Variants in KIF6 observed in about 807,000 individuals in gnomAD.
KIF6 encodes the protein kinesin family member 6.
Under a neutral mutation model 112.7 loss-of-function variants are expected in KIF6, and 106 were observed. The observed-to-expected ratio is 0.94, with a 90% CI of 0.80 to 1.11. The LOEUF (loss-of-function observed/expected upper bound fraction) is 1.11, where lower values mean the gene tolerates loss of function less well. Among genes scored for constraint, KIF6 ranks in the 50% least tolerant of loss-of-function variants. The probability of loss-of-function intolerance (pLI) is 0.00; values close to 1 mark genes in which losing one functional copy is unlikely to be tolerated. For synonymous variants in KIF6, 339 were observed against 339.9 expected, an observed-to-expected ratio of 1.00 and a Z score of 0.03; for missense variants, 929 against 964.0, an observed-to-expected ratio of 0.96 and a Z score of 0.48.
chr6:39,624,487 G>T (rs2150741063), intron 5 of KIF6, among the ~76,000 whole-genome samples: 1 of 152,240 alleles, frequency 6.6e-6, no homozygotes, highest in Non-Finnish European at 1.5e-5. Flanking sequence ...CTAAGGTTTT[G>T]CTTCATATAC....
intron 13 of KIF6, among the ~76,000 whole-genome samples, chr6:39,525,833 A>G (rs1300203502): frequency 6.6e-6 from 1 of 151,768 alleles, no homozygotes; most frequent in South Asian, 2.1e-4. Context: ...AAATAAATAA[A>G]TAAATAAATA....
intron 5 of KIF6, among the ~76,000 whole-genome samples, chr6:39,632,787 A>AT (rs1388640999): frequency 2.0e-5 from 3 of 151,704 alleles, no homozygotes; most frequent in East Asian, 2.0e-4. Context: ...CACCCGGCTA[A>AT]TTTTTTGTAT....
intron 13 of KIF6, among the ~76,000 whole-genome samples, chr6:39,529,874 T>A (rs911618183): frequency 4.6e-5 from 7 of 152,252 alleles, no homozygotes; most frequent in Admixed American, 6.5e-5. Context: ...TGTTCTTTCT[T>A]CCATCTTTGA....
At chr6:39,688,532 C>G (rs1251938525) in intron 3 of KIF6, among the ~76,000 whole-genome samples, 2 of 151,660 alleles carry the variant, frequency 1.3e-5, no homozygotes, top group Non-Finnish European at 2.9e-5. Context: ...TAGATATCGG[C>G]CAGGAACTCA....
chr6:39,639,862 CT>C, intron 3 of KIF6, 105 bp from the exon 4 acceptor site: 1 of 972,572 alleles, frequency 1.0e-6, no homozygotes, highest in Non-Finnish European at 1.5e-6. Context: ...ATTAAAAAAA[CT>C]TTATAGAAAT....
At chr6:39,657,125 C>T (rs931740175) in intron 3 of KIF6, among the ~76,000 whole-genome samples, 1 of 151,102 alleles carries the variant, frequency 6.6e-6, no homozygotes, top group Non-Finnish European at 1.5e-5. Flanking sequence ...CCCAGCTACT[C>T]GGGAGGCTGA....
At chr6:39,553,228 T>C (rs1231329775) in intron 10 of KIF6, among the ~76,000 whole-genome samples, 4 of 152,194 alleles carry the variant, frequency 2.6e-5, no homozygotes, top group African/African-American at 9.6e-5. Context: ...GAATGAGCTC[T>C]TTTTTTAAAT....
rs114980151 is a variant in KIF6 at position 39,427,080 on chromosome 6, G to A, written c.1754+3973C>T. ...GGTGAAATGGGAGTCCAGGCTGGTG[G>A]GTCCTGGTTGCTGAGGTCTATTGGG... On this transcript the variant is annotated intron_variant, in intron 14 of 22. Coordinates refer to ENST00000287152, the MANE Select transcript of KIF6 (RefSeq NM_145027.6). Among the ~76,000 whole-genome samples, 585 of 152,288 alleles carry A rather than the reference G, an allele frequency of 3.8e-3. 1 individual carries two copies. Among genetic ancestry groups the A allele is most frequent in the African/African-American group, 0.013 (521 of 41,546 alleles).
chr6:39,716,389 T>C (rs994804450), intron 2 of KIF6, among the ~76,000 whole-genome samples: 4 of 152,180 alleles, frequency 2.6e-5, no homozygotes, highest in African/African-American at 7.2e-5. Context: ...CCCTTTTTAT[T>C]GACTTTTCCC....
intron 1 of KIF6, 36 bp downstream of exon 1, chr6:39,725,203 GAGGCCC>G (rs762103406): frequency 6.3e-7 from 1 of 1,575,252 alleles, no homozygotes; most frequent in Non-Finnish European, 8.7e-7. Context: ...CCCAGCCCAA[GAGGCCC>G]CGCCGCGCCG....
intron 13 of KIF6, among the ~76,000 whole-genome samples, chr6:39,539,604 A>G (rs1778666738): frequency 6.6e-6 from 1 of 152,148 alleles, no homozygotes; most frequent in Non-Finnish European, 1.5e-5. Flanking sequence ...TGGCCTCCCA[A>G]AATGCTGGGA....
In KIF6 at chr6:39,445,778, C is replaced by G. The variant is rs143935909; in HGVS notation, c.1646-14617G>C. Among the ~76,000 whole-genome samples, 777 of 152,280 alleles carry G rather than the reference C, an allele frequency of 5.1e-3. 5 individuals are homozygous for G. The highest frequency in any genetic ancestry group is 0.017 in the African/African-American group (722 of 41,554). On this transcript the variant is annotated intron_variant, in intron 13 of 22. Transcript: ENST00000287152. ...GAAAGGGGGTCAGTGTTATTCTGCACAGGAAATAGAATGGCAAATCCACAG... is the reference window on the plus strand; with the variant it reads ...GAAAGGGGGTCAGTGTTATTCTGCAGAGGAAATAGAATGGCAAATCCACAG...
At chr6:39,408,013 C>T (rs934147768) in intron 15 of KIF6, among the ~76,000 whole-genome samples, 2 of 152,230 alleles carry the variant, frequency 1.3e-5, no homozygotes, top group Non-Finnish European at 2.9e-5. Flanking sequence ...ACATCTGCTA[C>T]GTATTCTATA....
Position 39,419,353 on chromosome 6 carries a change from C to CAAAA in KIF6, c.1810+591_1810+594dup, listed in dbSNP as rs10682536. On this transcript the variant is annotated intron_variant, in intron 15 of 22. Transcript: ENST00000287152. ...TGGGCAACAGAGTGAGACTCTGTCT[C>CAAAA]AAAAAAAAAAAAAAAAAAAAAAGAG... 3.0e-3 allele frequency among the ~76,000 whole-genome samples: 213 copies of CAAAA among 72,120 alleles called. 1 individual carries two copies. The highest frequency in any genetic ancestry group is 7.9e-3 in the Middle Eastern group (1 of 126). The allele number at this position is 72,120 out of a possible 152,430, so 47.3% of individuals were successfully genotyped here. A position where few individuals can be genotyped will look rare whatever the true frequency, so the allele number is the denominator to read the frequency against.
intron 10 of KIF6, among the ~76,000 whole-genome samples, chr6:39,556,509 A>C (rs2150587821): frequency 6.6e-6 from 1 of 152,308 alleles, no homozygotes; most frequent in South Asian, 2.1e-4. Flanking sequence ...GTAGAGAGAT[A>C]GCTACCTAGG....
chr6:39,524,570 C>A (rs542729423), intron 13 of KIF6, among the ~76,000 whole-genome samples: 2 of 152,264 alleles, frequency 1.3e-5, no homozygotes, highest in South Asian at 4.2e-4. Context: ...CTGGAAAAAA[C>A]CTGCCTGATT....
At chr6:39,512,043 T>C (rs763897367) in intron 13 of KIF6, among the ~76,000 whole-genome samples, 11 of 152,298 alleles carry the variant, frequency 7.2e-5, no homozygotes, top group South Asian at 6.2e-4. Flanking sequence ...TGTATACCTA[T>C]GTAACAAACC....
chr6:39,470,552 G>C (rs961420863), intron 13 of KIF6, among the ~76,000 whole-genome samples: 5 of 152,294 alleles, frequency 3.3e-5, no homozygotes, highest in African/African-American at 1.2e-4. Context: ...GAGGATGATT[G>C]CGGGGGAGGT....
At chr6:39,561,817 G>T (rs1780024042) in intron 10 of KIF6, among the ~76,000 whole-genome samples, 1 of 152,218 alleles carries the variant, frequency 6.6e-6, no homozygotes. Flanking sequence ...GGAGTCCCCA[G>T]ACAGGAACCT....
Sources: allele counts gnomAD v4.1 joint callset (sites outside exome capture counted in the v4.1 genomes callset), GRCh38; gene constraint gnomAD v4.1.1; transcripts MANE v1.5; gene names NCBI Gene and HGNC (gene_info 2026-07-23, HGNC 2026-07-21).